TMEM198: variants seen among roughly 807,000 people sequenced by gnomAD.
TMEM198 encodes the protein transmembrane protein 198.
A neutral mutation model predicts 31.5 loss-of-function variants in TMEM198; 21 were observed. The ratio of observed to expected loss-of-function variants is 0.67; its 90% CI spans 0.47 to 0.96. The LOEUF is 0.96. Ranked by LOEUF, TMEM198 falls within the 40% of genes least tolerant of loss-of-function variation. The pLI, the probability that TMEM198 is intolerant of heterozygous loss-of-function variation, is 0.00. For synonymous variants in TMEM198, 211 were observed against 223.3 expected, an observed-to-expected ratio of 0.95 and a Z score of 0.49; for missense variants, 447 against 499.4, an observed-to-expected ratio of 0.89 and a Z score of 1.00.
In TMEM198 at chr2:219,547,774, C is replaced by A. The variant is rs375582524; in HGVS notation, c.435C>A (p.Ser145=). ...LGSAPYYQPG[S]VWGPLGLLLG... is the part of the protein sequence containing the mutation. The stretch of plus-strand genomic sequence containing the variant: ...CCGCACCCTACTACCAGCCAGGCTC[C>A]GTGTGGGGTCCACTGGGGCTGTTGC... Residue 145 remains serine (S), a synonymous_variant, in exon 3 of 5, where the codon TCC becomes TCA. Coordinates refer to ENST00000373883, the MANE Select transcript of TMEM198 (RefSeq NM_001005209.3). The A allele has an allele frequency of 1.9e-6, 3 of 1,593,754 alleles. No individual in the cohort carries two copies.
intron 2 of TMEM198, among the ~76,000 whole-genome samples, chr2:219,546,166 C>A (rs564419580): frequency 6.6e-6 from 1 of 152,224 alleles, no homozygotes; most frequent in South Asian, 2.1e-4. Flanking sequence ...CTCATACTTC[C>A]CCCCACTCCT....
upstream of TMEM198, chr2:219,543,838 G>C (rs925576655): frequency 2.4e-6 from 1 of 417,498 alleles, no homozygotes; most frequent in Non-Finnish European, 4.3e-6. Context: ...GTGGGGTCTC[G>C]GGCTCTCGCT....
chr2:219,549,043 A>G, intron 3 of TMEM198, 109 bp from the exon 4 acceptor site: 1 of 1,254,422 alleles, frequency 8.0e-7, no homozygotes, highest in Non-Finnish European at 1.1e-6. Context: ...GGGGTTATGG[A>G]CAAGAGGAAT....
intron 2 of TMEM198, among the ~76,000 whole-genome samples, chr2:219,545,635 G>T (rs1484113920): frequency 3.9e-5 from 6 of 151,926 alleles, no homozygotes; most frequent in South Asian, 2.1e-4. Flanking sequence ...TATAATGGGA[G>T]TAAGTGACCA....
intron 3 of TMEM198, among the ~76,000 whole-genome samples, chr2:219,548,388 T>C (rs902846979): frequency 1.3e-5 from 2 of 152,166 alleles, no homozygotes; most frequent in African/African-American, 2.4e-5. Flanking sequence ...CAAACAAACA[T>C]GATTCCAGTT....
chr2:219,546,842 G>C (rs974581786), intron 2 of TMEM198, among the ~76,000 whole-genome samples: 1 of 147,890 alleles, frequency 6.8e-6, no homozygotes. Flanking sequence ...GCAATGGTGC[G>C]ATCTTGGTGC....
At chr2:219,547,348 T>C (rs1376799940) in intron 2 of TMEM198, 158 bp from the exon 3 acceptor site, 3 of 559,838 alleles carry the variant, frequency 5.4e-6, no homozygotes, top group South Asian at 5.8e-5. Context: ...AATGGCCCCA[T>C]CACTGATGCC....
At chr2:219,543,670 C>CTGGCTCTGCTCTGCGGGG, upstream of TMEM198, 1 of 585,178 alleles carries the variant, frequency 1.7e-6, no homozygotes, top group Non-Finnish European at 2.6e-6. Context: ...TCCCTCCCCG[C>CTGGCTCTGCTCTGCGGGG]AGAGCAGAGC....
intron 2 of TMEM198, among the ~76,000 whole-genome samples, chr2:219,545,579 C>T (rs969223590): frequency 2.0e-5 from 3 of 152,242 alleles, no homozygotes; most frequent in Admixed American, 1.3e-4. Context: ...GAAAGGCACA[C>T]CTTTTTCTAA....
upstream of TMEM198, chr2:219,543,825 G>A (rs1407110089): frequency 2.3e-6 from 1 of 429,918 alleles, no homozygotes; most frequent in Admixed American, 4.1e-5. Flanking sequence ...CCCCGCCCCC[G>A]GGGTGGGGTC....
At position 219,549,893 on chromosome 2, in the gene TMEM198, G is replaced by T; in HGVS notation, c.*39G>T. The T allele has an allele frequency of 6.3e-7, 1 of 1,593,430 alleles. No homozygotes were observed. Among genetic ancestry groups the T allele is most frequent in the Non-Finnish European group, 8.6e-7 (1 of 1,164,486 alleles). ...TCTAGACTCTGCAGTCACCAGCTCT[G>T]CCAGCTCGAGGAGGCCTGCTAGGCT... On this transcript the variant is annotated 3_prime_UTR_variant, in exon 5 of 5. Coordinates refer to ENST00000373883, the MANE Select transcript of TMEM198 (RefSeq NM_001005209.3).
At chr2:219,549,608 G>A in intron 4 of TMEM198, 109 bp from the exon 5 acceptor site, 1 of 1,512,496 alleles carries the variant, frequency 6.6e-7, no homozygotes, top group Admixed American at 1.9e-5. Context: ...TGTGGACTCT[G>A]GGTCTATGGC....
rs1209354536 is a variant in TMEM198, at chr2:219,549,709, C to T, written c.946-8C>T. On this transcript the variant is annotated splice_region_variant and splice_polypyrimidine_tract_variant and intron_variant, in intron 4 of 4. Transcript: ENST00000373883. ...GTGGGACTCACACCTATGTTTGCTC[C>T]CCCACAGAGCTATATCCAGAGCTTC... is the stretch of plus-strand genomic sequence containing the variant. 6.2e-6 allele frequency: 10 copies of T among 1,613,174 alleles called. No individual in the cohort carries two copies. Among genetic ancestry groups the T allele is most frequent in the Admixed American group, 1.7e-5 (1 of 59,908 alleles).
Position 219,548,066 on chromosome 2 carries a change from G to C in TMEM198, c.727G>C (p.Asp243His). 6.4e-7 allele frequency: 1 copy of C among 1,564,466 alleles called. No homozygotes were observed. The highest frequency in any genetic ancestry group is 8.6e-7 in the Non-Finnish European group (1 of 1,156,152). Residue 243 changes from aspartate (D) to histidine (H), a missense_variant, in exon 3 of 5, where the codon GAC (aspartate) becomes CAC (histidine). By Grantham distance (81) the Asp-to-His change is moderately conservative. Transcript: ENST00000373883. ...GCAGTGGAGGGTGACAGCTGAGGGG[G>C]ACTCCCACACGGAAGGTAAGGGGGC... ...LVQWRVTAEGDSHTEVVISRQ... is the reference protein window; with the variant it reads ...LVQWRVTAEGHSHTEVVISRQ...
chr2:219,544,982 T>C, intron 2 of TMEM198, 89 bp downstream of exon 2: 1 of 1,407,186 alleles, frequency 7.1e-7, no homozygotes, highest in African/African-American at 1.4e-5. Context: ...TGAATCCCTC[T>C]ACCATCATGA....
chr2:219,550,306 C>A lies in TMEM198; in HGVS notation c.*452C>A. ...CCTTCCCATCGCCCTGCCTCGCAGC[C>A]AGACTCATCTAAGGGTTCTTGTCCT... On this transcript the variant is annotated 3_prime_UTR_variant, in exon 5 of 5. Coordinates refer to ENST00000373883, the MANE Select transcript of TMEM198 (RefSeq NM_001005209.3). 5.4e-6 allele frequency: 1 copy of A among 186,130 alleles called. No homozygotes were observed. The highest frequency in any genetic ancestry group is 2.3e-5 in the African/African-American group (1 of 42,684). 11.5% of individuals were successfully genotyped at this position (186,130 alleles called of 1,614,324 possible). A position where few individuals can be genotyped will look rare whatever the true frequency, so the allele number is the denominator to read the frequency against.
chr2:219,547,277 G>C (rs1396357896), intron 2 of TMEM198: 7 of 426,532 alleles, frequency 1.6e-5, no homozygotes, highest in Non-Finnish European at 2.9e-5. Flanking sequence ...TGATCTCAAT[G>C]GTTATGTTTG....
chr2:219,543,715 C>CG (rs1160695000), upstream of TMEM198: 1 of 444,620 alleles, frequency 2.2e-6, no homozygotes, highest in Non-Finnish European at 3.8e-6. Context: ...AGCCGCGCCT[C>CG]GATTCCCCTC....
At chr2:219,547,184 C>A in intron 2 of TMEM198, 1 of 242,734 alleles carries the variant, frequency 4.1e-6, no homozygotes, top group Non-Finnish European at 7.9e-6. Flanking sequence ...CTCCTATGAT[C>A]CCAAAGACAC....
Sources: gnomAD v4.1 joint callset for allele counts (sites outside exome capture counted in the v4.1 genomes callset) on GRCh38, gnomAD v4.1.1 for gene constraint, MANE v1.5 for transcripts, NCBI Gene and HGNC (gene_info 2026-07-23, HGNC 2026-07-21) for gene names.